The following DOK5 variants were observed in gnomAD, a reference collection of about 807,000 sequenced individuals.
The protein encoded by DOK5 is docking protein 5, also known as downstream of tyrosine kinase 5.
DOK5 carries 27 observed loss-of-function variants against 43.3 expected under a neutral mutation model. The ratio of observed to expected loss-of-function variants is 0.62; its 90% CI spans 0.46 to 0.86. DOK5 has a LOEUF of 0.86. Ranked by LOEUF, DOK5 falls within the 40% of genes least tolerant of loss-of-function variation. The probability of loss-of-function intolerance (pLI) is 0.00; values close to 1 mark genes in which losing one functional copy is unlikely to be tolerated. For synonymous variants in DOK5, 146 were observed against 140.1 expected, an observed-to-expected ratio of 1.04 and a Z score of -0.30; for missense variants, 373 against 392.9, an observed-to-expected ratio of 0.95 and a Z score of 0.43.
At chr20:54,612,812 A>C (rs949229498) in intron 6 of DOK5, among the ~76,000 whole-genome samples, 8 of 152,206 alleles carry the variant, frequency 5.3e-5, no homozygotes, top group African/African-American at 1.9e-4. Context: ...TACAGTGTTC[A>C]AGATCATGGC....
At chr20:54,558,527 G>A (rs1417711972) in intron 2 of DOK5, among the ~76,000 whole-genome samples, 1 of 152,066 alleles carries the variant, frequency 6.6e-6, no homozygotes, top group Non-Finnish European at 1.5e-5. Context: ...CACATAAAAA[G>A]CTGGAGTAAT....
At chr20:54,587,430 G>A (rs1985839933) in intron 2 of DOK5, among the ~76,000 whole-genome samples, 1 of 150,958 alleles carries the variant, frequency 6.6e-6, no homozygotes, top group African/African-American at 2.4e-5. Flanking sequence ...CGAGAGAAAC[G>A]GAACAACATC....
intron 5 of DOK5, among the ~76,000 whole-genome samples, chr20:54,597,631 C>T (rs1351679203): frequency 6.6e-6 from 1 of 152,218 alleles, no homozygotes; most frequent in Non-Finnish European, 1.5e-5. Flanking sequence ...TCAGGACTCA[C>T]GCTCAGATCT....
At chr20:54,644,722 A>AACAAAAAAAAACC (rs1568827238) in intron 7 of DOK5, among the ~76,000 whole-genome samples, 1,798 of 146,618 alleles carry the variant, frequency 0.012, 55 homozygotes, top group African/African-American at 0.044. Context: ...AAAAAAAAAA[A>AACAAAAAAAAACC]AACAAAATTT....
At chr20:54,523,028 T>C (rs1246214590) in intron 1 of DOK5, among the ~76,000 whole-genome samples, 2 of 152,166 alleles carry the variant, frequency 1.3e-5, no homozygotes, top group Non-Finnish European at 2.9e-5. Context: ...GTAAAAAAAG[T>C]ATGTCTGGTA....
At chr20:54,565,851 C>T (rs1985075692) in intron 2 of DOK5, among the ~76,000 whole-genome samples, 1 of 151,980 alleles carries the variant, frequency 6.6e-6, no homozygotes, top group African/African-American at 2.4e-5. Flanking sequence ...CATGTCTCTA[C>T]TAAAAAATAC....
intron 7 of DOK5, among the ~76,000 whole-genome samples, chr20:54,644,718 A>AAAAAAACAAAAAAC (rs1979307865): frequency 1.4e-5 from 2 of 142,500 alleles, no homozygotes; most frequent in African/African-American, 5.9e-5. Context: ...AAAAAAAAAA[A>AAAAAAACAAAAAAC]AAAAAACAAA....
At chr20:54,592,351 A>C (rs1335631528) in intron 5 of DOK5, among the ~76,000 whole-genome samples, 2 of 152,090 alleles carry the variant, frequency 1.3e-5, no homozygotes, top group Non-Finnish European at 2.9e-5. Flanking sequence ...CCGACTAAGC[A>C]CTTTCCGGGT....
intron 1 of DOK5, among the ~76,000 whole-genome samples, chr20:54,497,270 G>T (rs1358171190): frequency 6.6e-6 from 1 of 152,190 alleles, no homozygotes; most frequent in Non-Finnish European, 1.5e-5. Flanking sequence ...ATCAATGAAT[G>T]AATATTACAA....
intron 1 of DOK5, among the ~76,000 whole-genome samples, chr20:54,485,379 T>C (rs970612337): frequency 6.6e-6 from 1 of 151,352 alleles, no homozygotes; most frequent in African/African-American, 2.4e-5. Context: ...AAGAATGTAA[T>C]GTAAAAGAAC....
intron 1 of DOK5, among the ~76,000 whole-genome samples, chr20:54,550,180 CAAA>C (rs11483522): frequency 2.1e-4 from 18 of 87,384 alleles, no homozygotes; most frequent in East Asian, 3.7e-4. Context: ...GATTGGATGG[CAAA>C]AAAAAAAAAA....
At chr20:54,627,529 G>T (rs563039652) in intron 6 of DOK5, among the ~76,000 whole-genome samples, 1 of 152,324 alleles carries the variant, frequency 6.6e-6, no homozygotes, top group South Asian at 2.1e-4. Context: ...TACTCACTGG[G>T]AACTGAAAGG....
chr20:54,588,580 C>A lies in DOK5; in HGVS notation c.272C>A (p.Thr91Asn). ...GIYFNDDTSK[T>N]FACESDLEAD... is the part of the protein sequence containing the mutation. ...TATTTCAATGACGATACCTCCAAGA[C>A]TTTTGCTTGCGAATCAGGTTTGTCT... Residue 91 changes from threonine (T) to asparagine (N), a missense_variant, in exon 3 of 8, where the codon ACT (threonine) becomes AAT (asparagine). Transcript: ENST00000262593. 2 of 1,614,152 alleles carry A rather than the reference C, an allele frequency of 1.2e-6. No homozygotes were observed. Among genetic ancestry groups the A allele is most frequent in the South Asian group, 1.1e-5 (1 of 91,084 alleles).
intron 2 of DOK5, among the ~76,000 whole-genome samples, chr20:54,578,179 T>C (rs1985515506): frequency 6.6e-6 from 1 of 152,240 alleles, no homozygotes; most frequent in Non-Finnish European, 1.5e-5. Context: ...CTGTGAATTC[T>C]GAGGTAGCCT....
At chr20:54,595,355 T>G (rs1440789989) in intron 5 of DOK5, among the ~76,000 whole-genome samples, 3 of 151,966 alleles carry the variant, frequency 2.0e-5, no homozygotes, top group African/African-American at 7.2e-5. Flanking sequence ...AAAAAGTTTA[T>G]AAAGGTCACT....
chr20:54,556,654 A>G (rs1253793451), intron 2 of DOK5, among the ~76,000 whole-genome samples: 1 of 152,230 alleles, frequency 6.6e-6, no homozygotes, highest in African/African-American at 2.4e-5. Context: ...CAAAATACCC[A>G]GGAAGATGTT....
chr20:54,585,217 G>C (rs949583938), intron 2 of DOK5, among the ~76,000 whole-genome samples: 1 of 152,080 alleles, frequency 6.6e-6, no homozygotes, highest in Admixed American at 6.6e-5. Context: ...GGTAGAGACA[G>C]AGACCGTTGC....
At chr20:54,544,334 T>C (rs1984265911) in intron 1 of DOK5, among the ~76,000 whole-genome samples, 1 of 152,180 alleles carries the variant, frequency 6.6e-6, no homozygotes, top group Non-Finnish European at 1.5e-5. Context: ...CTCATTATTT[T>C]GGTAAGTGGA....
chr20:54,558,867 G>T (rs1984804593), intron 2 of DOK5, among the ~76,000 whole-genome samples: 1 of 152,174 alleles, frequency 6.6e-6, no homozygotes. Flanking sequence ...ACAAGAAAAA[G>T]ATTGTAGAAT....
Sources: allele counts gnomAD v4.1 joint callset (sites outside exome capture counted in the v4.1 genomes callset), GRCh38; gene constraint gnomAD v4.1.1; transcripts MANE v1.5; gene names NCBI Gene and HGNC (gene_info 2026-07-23, HGNC 2026-07-21).